PPIL2: variants seen among roughly 807,000 people sequenced by gnomAD.
The protein encoded by PPIL2 is RING-type E3 ubiquitin-protein ligase PPIL2.
In PPIL2, 50 loss-of-function variants were observed where a neutral mutation model predicts 75.2. That is an observed-to-expected ratio of 0.66 (90% confidence interval 0.53 to 0.84). The LOEUF is 0.84. Ranked by LOEUF, PPIL2 falls within the 40% of genes least tolerant of loss-of-function variation. The pLI is 0.00. For missense variants in PPIL2, 590 were observed against 685.0 expected (o/e 0.86, Z 1.55); for synonymous variants, 245 against 258.8 (o/e 0.95, Z 0.51).
chr22:21,675,020 G>C (rs2066779200), intron 5 of PPIL2, 44 bp from the exon 6 acceptor site: 1 of 1,530,508 alleles, frequency 6.5e-7, no homozygotes, highest in African/African-American at 1.4e-5. Flanking sequence ...CTGTGCATCA[G>C]TTACTTATTC....
rs374090749 is a variant in PPIL2, at chr22:21,683,139, G to A, written c.478-43G>A. 126 of 1,538,396 alleles carry A rather than the reference G, an allele frequency of 8.2e-5. 4 individuals are homozygous for A. The highest frequency in any genetic ancestry group is 5.2e-4 in the East Asian group (23 of 44,492). The stretch of plus-strand genomic sequence containing the variant: ...TGCTGCATGTGGCTGCCATTTGGCC[G>A]TAGGCTGGGTTCACTCTGCTGGGCA... On this transcript the variant is annotated intron_variant, in intron 8 of 19. Coordinates refer to ENST00000398831, the MANE Select transcript of PPIL2 (RefSeq NM_014337.4).
chr22:21,694,695 G>A, intron 17 of PPIL2, 30 bp downstream of exon 17: 1 of 1,613,308 alleles, frequency 6.2e-7, no homozygotes. Context: ...GGGCGTGGCG[G>A]CTGGGGGCCA....
intron 6 of PPIL2, among the ~76,000 whole-genome samples, chr22:21,675,694 G>A (rs2148513939): frequency 6.6e-6 from 1 of 152,356 alleles, no homozygotes; most frequent in East Asian, 1.9e-4. Context: ...GATCTGCAGG[G>A]CATGGGCCCC....
Position 21,692,207 on chromosome 22 carries a change from G to T in PPIL2, c.1140-1609G>T, listed in dbSNP as rs148992384. 4.4e-3 allele frequency among the ~76,000 whole-genome samples: 673 copies of T among 151,624 alleles called. 7 individuals are homozygous for T. Among genetic ancestry groups the T allele is most frequent in the African/African-American group, 0.015 (638 of 41,314 alleles). On this transcript the variant is annotated intron_variant, in intron 15 of 19. Transcript: ENST00000398831. ...GTCTCGCTCCGTCCCCCAGGCTGGA[G>T]TGCAGCGGCGCGATCTCGGCTCACT...
chr22:21,683,090 C>T, intron 8 of PPIL2, 92 bp from the exon 9 acceptor site: 10 of 1,114,342 alleles, frequency 9.0e-6, no homozygotes, highest in South Asian at 1.2e-5. Context: ...GCCTCTTCCA[C>T]ACCTCTGACA....
At chr22:21,678,044 C>G (rs1185918120) in intron 6 of PPIL2, among the ~76,000 whole-genome samples, 3 of 152,094 alleles carry the variant, frequency 2.0e-5, no homozygotes, top group Admixed American at 6.6e-5. Flanking sequence ...ACAGCGTGTG[C>G]TAGCGGTGGA....
chr22:21,672,261 G>T, intron 4 of PPIL2, 69 bp from the exon 5 acceptor site: 1 of 1,399,258 alleles, frequency 7.1e-7, no homozygotes, highest in South Asian at 1.2e-5. Context: ...AGCCCTGCAA[G>T]ACCACAGTGT....
chr22:21,684,471 A>G (rs1428006506), intron 9 of PPIL2, among the ~76,000 whole-genome samples: 41 of 148,164 alleles, frequency 2.8e-4, no homozygotes, highest in African/African-American at 7.4e-4. Flanking sequence ...AAAAAAAAAA[A>G]AAAAGAAAAA....
rs901177206 is a variant in PPIL2, at chr22:21,666,034, G to C, written c.-66G>C. The stretch of plus-strand genomic sequence containing the variant: ...GGAAGTGGTCACGGAACTCGGCTGC[G>C]GCTCCATGGTCTGAGTTGTCAGCCG... On this transcript the variant is annotated 5_prime_UTR_variant, in exon 1 of 20. Transcript: ENST00000398831. 2 of 1,568,756 alleles carry C rather than the reference G, an allele frequency of 1.3e-6. No individual in the cohort carries two copies. Among genetic ancestry groups the C allele is most frequent in the Non-Finnish European group, 1.7e-6 (2 of 1,151,314 alleles).
chr22:21,698,548 C>T (rs1444355095), downstream of PPIL2: 1 of 152,346 alleles, frequency 6.6e-6, no homozygotes, highest in Non-Finnish European at 1.5e-5. Context: ...TTCCCCTAGT[C>T]CCCGGGGCAT....
intron 15 of PPIL2, 63 bp from the exon 16 acceptor site, chr22:21,693,753 T>C: frequency 1.3e-6 from 2 of 1,484,514 alleles, no homozygotes; most frequent in Non-Finnish European, 1.9e-6. Flanking sequence ...CCTGGTGTGC[T>C]CTTAGGCAGG....
At chr22:21,670,039 T>TA in intron 2 of PPIL2, 77 bp downstream of exon 2, 1 of 1,426,532 alleles carries the variant, frequency 7.0e-7, no homozygotes, top group Non-Finnish European at 9.9e-7. Flanking sequence ...CAGTGAGCTG[T>TA]AAAAATAGAC....
At chr22:21,673,978 G>A (rs767841270) in intron 5 of PPIL2, among the ~76,000 whole-genome samples, 46 of 152,202 alleles carry the variant, frequency 3.0e-4, no homozygotes, top group Non-Finnish European at 5.3e-4. Flanking sequence ...AGGAAGGAAC[G>A]AAGGTGGTTA....
In PPIL2 at chr22:21,688,714, T is replaced by A. The variant is rs1460053873; in HGVS notation, c.1022-18T>A. 4 of 1,611,514 alleles carry A rather than the reference T, an allele frequency of 2.5e-6. No individual in the cohort carries two copies. Among genetic ancestry groups the A allele is most frequent in the African/African-American group, 1.3e-5 (1 of 74,884 alleles). On this transcript the variant is annotated intron_variant, in intron 14 of 19. Coordinates refer to ENST00000398831, the MANE Select transcript of PPIL2 (RefSeq NM_014337.4). ...TGGGGCCCAGGCTTTCCTGCTCCCA[T>A]GGGCCTTTCTCTTCCAGGTGGGGAG...
intron 7 of PPIL2, 41 bp from the exon 8 acceptor site, chr22:21,682,396 C>T: frequency 6.4e-7 from 1 of 1,560,102 alleles, no homozygotes; most frequent in Non-Finnish European, 8.8e-7. Context: ...TGTGCCAAGG[C>T]TTGGGGCAGG....
intron 7 of PPIL2, 89 bp from the exon 8 acceptor site, chr22:21,682,348 G>A (rs912978737): frequency 3.9e-5 from 44 of 1,129,324 alleles, no homozygotes; most frequent in Admixed American, 8.6e-5. Flanking sequence ...TCGTGCCATG[G>A]TCGGGGCCAG....
At chr22:21,668,633 AAAAAT>A (rs1023414662) in intron 1 of PPIL2, among the ~76,000 whole-genome samples, 4 of 151,830 alleles carry the variant, frequency 2.6e-5, no homozygotes, top group African/African-American at 7.3e-5. Flanking sequence ...GTCTCAAAAA[AAAAAT>A]AAATAAAATA....
intron 9 of PPIL2, among the ~76,000 whole-genome samples, chr22:21,684,475 A>G (rs1185122457): frequency 6.8e-6 from 1 of 147,012 alleles, no homozygotes; most frequent in Non-Finnish European, 1.5e-5. Context: ...AAAAAAAAAA[A>G]GAAAAAAAAA....
In PPIL2 at chr22:21,696,625, G is replaced by A; in HGVS notation, c.*1135G>A. ...CATGGACTCTCCTTGCCTGACACTT[G>A]CCTCTTGGGCTCCCTGTTGCCCTCA... On this transcript the variant is annotated 3_prime_UTR_variant, in exon 20 of 20. Coordinates refer to ENST00000398831, the MANE Select transcript of PPIL2 (RefSeq NM_014337.4). The A allele has an allele frequency of 6.7e-7, 1 of 1,499,532 alleles. No homozygotes were observed. Among genetic ancestry groups the A allele is most frequent in the Non-Finnish European group, 8.9e-7 (1 of 1,128,228 alleles). The allele number at this position is 1,499,532 out of a possible 1,614,324, so 92.9% of individuals were successfully genotyped here. A position where few individuals can be genotyped will look rare whatever the true frequency, so the allele number is the denominator to read the frequency against.
Sources: gnomAD v4.1 joint callset for allele counts (sites outside exome capture counted in the v4.1 genomes callset) on GRCh38, gnomAD v4.1.1 for gene constraint, MANE v1.5 for transcripts, NCBI Gene and HGNC (gene_info 2026-07-23, HGNC 2026-07-21) for gene names.